Variants in HSPBAP1 observed in about 807,000 individuals in gnomAD.
The protein encoded by HSPBAP1 is HSPB1-associated protein 1.
HSPBAP1 carries 27 observed loss-of-function variants against 45.2 expected under a neutral mutation model. The ratio of observed to expected loss-of-function variants is 0.60; its 90% confidence interval spans 0.44 to 0.82. The LOEUF (loss-of-function observed/expected upper bound fraction) is 0.82, where lower values mean the gene tolerates loss of function less well. Among genes scored for constraint, HSPBAP1 ranks in the 40% least tolerant of loss-of-function variants. HSPBAP1 has a pLI of 0.00. For synonymous variants in HSPBAP1, 204 were observed against 202.7 expected (o/e 1.01, Z -0.06); for missense variants, 510 against 590.9 (o/e 0.86, Z 1.42).
At chr3:122,766,700 C>T (rs1025891185) in intron 3 of HSPBAP1, among the ~76,000 whole-genome samples, 9 of 152,210 alleles carry the variant, frequency 5.9e-5, no homozygotes, top group Admixed American at 1.3e-4. Context: ...TGTATGCACA[C>T]GCTCTGTAGG....
chr3:122,793,533 A>C (rs1301690405), intron 1 of HSPBAP1, 84 bp downstream of exon 1: 9 of 1,239,914 alleles, frequency 7.3e-6, no homozygotes, highest in Non-Finnish European at 8.3e-6. Context: ...GTTGGGGCTA[A>C]GGCAAACGGC....
intron 1 of HSPBAP1, among the ~76,000 whole-genome samples, chr3:122,780,529 G>A (rs1253073729): frequency 8.1e-5 from 11 of 135,932 alleles, no homozygotes; most frequent in African/African-American, 2.5e-4. Context: ...CCTCCCTCCC[G>A]GACGGGGCGG....
At chr3:122,780,484 C>A (rs878978213) in intron 1 of HSPBAP1, among the ~76,000 whole-genome samples, 1 of 122,406 alleles carries the variant, frequency 8.2e-6, no homozygotes, top group Non-Finnish European at 1.7e-5. Context: ...ACCTCCCGGA[C>A]GGGGCAGCTG....
intron 6 of HSPBAP1, among the ~76,000 whole-genome samples, chr3:122,749,095 TAA>T (rs1314226982): frequency 6.6e-6 from 1 of 151,700 alleles, no homozygotes; most frequent in East Asian, 1.9e-4. Context: ...TTTGTACATA[TAA>T]GACTGTTTAT....
rs776811979 is a variant in HSPBAP1 at position 122,741,071 on chromosome 3, T to C, written c.868A>G (p.Met290Val). ...LARVEEAITR[M>V]LVCALKTAEN... is the part of the protein sequence containing the mutation. Reference sequence around the variant, plus strand: ...GCAGTTTTCAGGGCACACACAAGCATACGGGTGATTGCCTCTTCTACCCGG... The same window carrying C: ...GCAGTTTTCAGGGCACACACAAGCACACGGGTGATTGCCTCTTCTACCCGG... Residue 290 changes from methionine (M) to valine (V), a missense_variant, in exon 7 of 8, where the codon ATG (methionine) becomes GTG (valine). Transcript: ENST00000306103. The C allele has an allele frequency of 9.3e-6, 15 of 1,614,086 alleles. No individual in the cohort carries two copies. Among genetic ancestry groups the C allele is most frequent in the African/African-American group, 1.3e-5 (1 of 74,938 alleles).
At chr3:122,755,582 T>G in intron 4 of HSPBAP1, 151 bp from the exon 5 acceptor site, 2 of 512,548 alleles carry the variant, frequency 3.9e-6, no homozygotes, top group Non-Finnish European at 6.4e-6. Flanking sequence ...TGTCCATCTC[T>G]GACTCAGCGC....
At position 122,759,257 on chromosome 3, in the gene HSPBAP1, T is replaced by C. The variant is rs757237350; in HGVS notation, c.536A>G (p.Tyr179Cys). The C allele has an allele frequency of 1.2e-6, 2 of 1,613,036 alleles. No individual in the cohort carries two copies. The highest frequency in any genetic ancestry group is 1.1e-5 in the South Asian group (1 of 91,060). Reference protein sequence around the residue: ...GAHTPCHLDSYGCNLVFQVQG... With the variant: ...GAHTPCHLDSCGCNLVFQVQG... ...TACCTGGAATACCAAGTTACAACCATAGGAGTCCAGATGACAGGGTGTGTG... is the reference window on the plus strand; with the variant it reads ...TACCTGGAATACCAAGTTACAACCACAGGAGTCCAGATGACAGGGTGTGTG... Residue 179 changes from tyrosine (Y) to cysteine (C), a missense_variant, in exon 4 of 8, where the codon TAT (tyrosine) becomes TGT (cysteine). Physicochemically the swap from Tyr to Cys is radical, Grantham distance 194 (BLOSUM62 -2). Transcript: ENST00000306103.
chr3:122,746,747 T>C (rs970320551), intron 6 of HSPBAP1, among the ~76,000 whole-genome samples: 2 of 151,868 alleles, frequency 1.3e-5, no homozygotes, highest in African/African-American at 4.8e-5. Flanking sequence ...CACTGCAACC[T>C]CCCTGCCTGA....
chr3:122,764,552 C>A (rs1934710105), intron 3 of HSPBAP1, among the ~76,000 whole-genome samples: 1 of 152,116 alleles, frequency 6.6e-6, no homozygotes, highest in Admixed American at 6.5e-5. Flanking sequence ...TGGAAAATAT[C>A]CTGTAGCCTT....
chr3:122,755,614 G>A (rs1014668826), intron 4 of HSPBAP1, among the ~76,000 whole-genome samples, 183 bp from the exon 5 acceptor site: 13 of 151,598 alleles, frequency 8.6e-5, no homozygotes, highest in Non-Finnish European at 1.2e-4. Context: ...TGCAGATACC[G>A]GGTGGAAGGT....
rs963392219 is a variant in HSPBAP1 at position 122,740,645 on chromosome 3, G to A, written c.1167C>T (p.Gly389=). 1.2e-6 allele frequency: 2 copies of A among 1,614,024 alleles called. No homozygotes were observed. Among genetic ancestry groups the A allele is most frequent in the Non-Finnish European group, 8.5e-7 (1 of 1,180,034 alleles). ...TDKPEAASPF[G]PDLVPVAQRS... is the part of the protein sequence containing the mutation. ...TCTGTGCTACAGGGACCAGATCAGG[G>A]CCAAAGGGACTTGCTGCCTCCGGTT... The change falls in exon 8 of 8, where the codon GGC becomes GGT. Residue 389 remains glycine (G), a synonymous_variant. Coordinates refer to ENST00000306103, the MANE Select transcript of HSPBAP1 (RefSeq NM_024610.6).
chr3:122,757,650 A>G (rs1448847815), intron 4 of HSPBAP1, among the ~76,000 whole-genome samples: 2 of 152,202 alleles, frequency 1.3e-5, no homozygotes, highest in Non-Finnish European at 2.9e-5. Flanking sequence ...ACTGTAACAC[A>G]TGGTCCCTGT....
intron 5 of HSPBAP1, chr3:122,753,310 G>T (rs1299435964): frequency 4.5e-6 from 2 of 441,204 alleles, no homozygotes; most frequent in Non-Finnish European, 6.0e-6. Flanking sequence ...ACAGAAGATA[G>T]CAAGTAGGTC....
In HSPBAP1 at chr3:122,768,851, T is replaced by C. The variant is rs749324727; in HGVS notation, c.282A>G (p.Val94=). The C allele has an allele frequency of 6.2e-6, 10 of 1,612,166 alleles. 1 individual carries two copies. In the African/African-American group the frequency reaches 6.7e-5, roughly 11 times the overall value. Residue 94 remains valine (V), a synonymous_variant, in exon 3 of 8, where the codon GTA becomes GTG. Transcript: ENST00000306103. Reference sequence around the variant, plus strand: ...TCAGAAACTCTTCGAGTGTAGCTTCTACGTAATTACATGTAGTTTCAAACT... The same window carrying C: ...TCAGAAACTCTTCGAGTGTAGCTTCCACGTAATTACATGTAGTTTCAAACT... ...VPQFETTCNY[V]EATLEEFLTW...
intron 6 of HSPBAP1, among the ~76,000 whole-genome samples, chr3:122,749,978 CTTTTTTT>C: frequency 7.1e-6 from 1 of 140,258 alleles, no homozygotes; most frequent in East Asian, 2.1e-4. Flanking sequence ...GGTTTTCTTT[CTTTTTTT>C]TTTTTTTTGA....
At chr3:122,759,650 C>T (rs1934496559) in intron 3 of HSPBAP1, among the ~76,000 whole-genome samples, 1 of 152,140 alleles carries the variant, frequency 6.6e-6, no homozygotes, top group Non-Finnish European at 1.5e-5. Context: ...ACAAAAGAGA[C>T]AAAATGCCTA....
chr3:122,758,002 C>T lies in HSPBAP1; in HGVS notation c.569+1222G>A, dbSNP rs949266038. 6.6e-5 allele frequency among the ~76,000 whole-genome samples: 10 copies of T among 152,202 alleles called. No individual in the cohort carries two copies. The East Asian group carries it at 7.7e-4, about 12-fold the overall frequency. On this transcript the variant is annotated intron_variant, in intron 4 of 7. Coordinates refer to ENST00000306103, the MANE Select transcript of HSPBAP1 (RefSeq NM_024610.6). ...CACATTCTATGCCCTTTAATAAAGA[C>T]GGAATGCATCAGAGAGTGGACTAAC...
At chr3:122,758,635 G>A in intron 4 of HSPBAP1, 1 of 419,536 alleles carries the variant, frequency 2.4e-6, no homozygotes. Flanking sequence ...CTAAGCATAG[G>A]CTGGGCATAG....
Position 122,757,282 on chromosome 3 carries a change from A to G in HSPBAP1, c.570-1851T>C, listed in dbSNP as rs937884427. Among the ~76,000 whole-genome samples the G allele has an allele frequency of 5.3e-5, 8 of 152,252 alleles. No individual in the cohort carries two copies. The East Asian group carries it at 1.4e-3, about 26-fold the overall frequency. On this transcript the variant is annotated intron_variant, in intron 4 of 7. Coordinates refer to ENST00000306103, the MANE Select transcript of HSPBAP1 (RefSeq NM_024610.6). ...AGTCAAGACCCTGGGGACTCAACCTACCTGCCTTTCTGGTCTACTCCCTCT... is the reference window on the plus strand; with the variant it reads ...AGTCAAGACCCTGGGGACTCAACCTGCCTGCCTTTCTGGTCTACTCCCTCT...
Sources: gnomAD v4.1 joint callset for allele counts (sites outside exome capture counted in the v4.1 genomes callset) on GRCh38, gnomAD v4.1.1 for gene constraint, MANE v1.5 for transcripts, NCBI Gene and HGNC (gene_info 2026-07-23, HGNC 2026-07-21) for gene names.